Variants in SIM1 observed in about 807,000 individuals in gnomAD.
SIM1 encodes the protein single-minded homolog 1.
Under a neutral mutation model 78.2 loss-of-function variants are expected in SIM1, and 18 were observed. That is an observed-to-expected ratio of 0.23 (90% CI 0.16 to 0.34). SIM1 has a LOEUF of 0.34. Among genes scored for constraint, SIM1 ranks in the 10% least tolerant of loss-of-function variants. The pLI is 1.00. For missense variants in SIM1, 939 were observed against 975.1 expected, an observed-to-expected ratio of 0.96 and a Z score of 0.49; for synonymous variants, 417 against 385.2, an observed-to-expected ratio of 1.08 and a Z score of -0.97.
Position 100,464,690 on chromosome 6 carries a change from C to G in SIM1, c.-544G>C, listed in dbSNP as rs1772945205. 6.6e-6 allele frequency: 1 copy of G among 152,246 alleles called. No individual in the cohort carries two copies. Among genetic ancestry groups the G allele is most frequent in the Non-Finnish European group, 1.5e-5 (1 of 68,132 alleles). 9.4% of individuals were successfully genotyped at this position (152,246 alleles called of 1,614,324 possible). On this transcript the variant is annotated 5_prime_UTR_variant, in exon 1 of 12. Coordinates refer to ENST00000369208, the MANE Select transcript of SIM1 (RefSeq NM_005068.3). Reference sequence around the variant, plus strand: ...TTCTCATGCCTACCGTCCAACCCAGCGACACCGCCGGCCTCTCCGCTTCCC... The same window carrying G: ...TTCTCATGCCTACCGTCCAACCCAGGGACACCGCCGGCCTCTCCGCTTCCC...
chr6:100,417,984 T>A (rs1229564646), intron 10 of SIM1, among the ~76,000 whole-genome samples: 2 of 152,186 alleles, frequency 1.3e-5, no homozygotes, highest in Non-Finnish European at 2.9e-5. Context: ...CAATAACAAA[T>A]ACACAAACTT....
chr6:100,407,428 A>T (rs1661716365), intron 10 of SIM1, among the ~76,000 whole-genome samples: 1 of 152,176 alleles, frequency 6.6e-6, no homozygotes, highest in South Asian at 2.1e-4. Context: ...GAGAGTGCAG[A>T]CATCTCAACA....
At chr6:100,445,159 A>C (rs1431413182) in intron 9 of SIM1, among the ~76,000 whole-genome samples, 2 of 152,188 alleles carry the variant, frequency 1.3e-5, no homozygotes, top group African/African-American at 2.4e-5. Flanking sequence ...TATGCACATC[A>C]AACAAACTGC....
chr6:100,448,394 C>T (rs764985586), intron 7 of SIM1, 85 bp downstream of exon 7: 47 of 1,463,054 alleles, frequency 3.2e-5, no homozygotes, highest in Non-Finnish European at 4.2e-5. Context: ...GCAAAATGGG[C>T]TCATAGGATA....
chr6:100,458,511 A>G (rs965103110), intron 2 of SIM1, among the ~76,000 whole-genome samples: 8 of 152,314 alleles, frequency 5.3e-5, no homozygotes, highest in African/African-American at 1.7e-4. Flanking sequence ...AGTGGCCGGG[A>G]GGGCAGGAGG....
chr6:100,455,320 C>T (rs1012557504), intron 2 of SIM1, among the ~76,000 whole-genome samples: 13 of 152,190 alleles, frequency 8.5e-5, no homozygotes, highest in African/African-American at 2.9e-4. Flanking sequence ...CAACTCATCC[C>T]GACTCTTTAG....
intron 2 of SIM1, among the ~76,000 whole-genome samples, chr6:100,454,342 G>T (rs1251017456): frequency 6.6e-6 from 1 of 152,180 alleles, no homozygotes. Context: ...TGGCTGCGGG[G>T]CTTCTAGCCA....
intron 10 of SIM1, among the ~76,000 whole-genome samples, chr6:100,408,369 T>C (rs1180754437): frequency 6.6e-6 from 1 of 152,086 alleles, no homozygotes; most frequent in African/African-American, 2.4e-5. Context: ...ATAATATTGT[T>C]TGAAGCCTGG....
intron 2 of SIM1, among the ~76,000 whole-genome samples, chr6:100,457,343 C>G (rs1327251973): frequency 3.9e-5 from 6 of 152,178 alleles, no homozygotes; most frequent in African/African-American, 1.4e-4. Flanking sequence ...GGGAGGGTGG[C>G]GGAGGCCCTG....
At chr6:100,450,175 G>T in intron 4 of SIM1, 92 bp downstream of exon 4, 1 of 999,344 alleles carries the variant, frequency 1.0e-6, no homozygotes. Context: ...CAGGTTTAGA[G>T]AAGCACACCC....
At chr6:100,410,871 C>T (rs1411366603) in intron 10 of SIM1, among the ~76,000 whole-genome samples, 4 of 152,166 alleles carry the variant, frequency 2.6e-5, no homozygotes, top group Non-Finnish European at 5.9e-5. Flanking sequence ...TGGAACCAGA[C>T]AAAGACAGTG....
chr6:100,461,259 T>C (rs552673470), intron 2 of SIM1, among the ~76,000 whole-genome samples: 54 of 152,358 alleles, frequency 3.5e-4, no homozygotes, highest in African/African-American at 1.2e-3. Flanking sequence ...ACTTATAATG[T>C]GTAGAGTTAG....
intron 2 of SIM1, 118 bp from the exon 3 acceptor site, chr6:100,453,962 G>T: frequency 1.8e-5 from 11 of 623,838 alleles, no homozygotes; most frequent in Non-Finnish European, 2.7e-5. Context: ...TACCATAGGG[G>T]ATCCCTCTCA....
In SIM1 at chr6:100,390,649, C is replaced by T. The variant is rs201911731; in HGVS notation, c.2013G>A (p.Leu671=). The T allele has an allele frequency of 5.0e-6, 8 of 1,614,142 alleles. No individual in the cohort carries two copies. In the East Asian group the frequency reaches 1.8e-4, roughly 36 times the overall value. ...AATGCAGATAGTCTTTAGCTAGGATCAAACTGGATTTTGAAATGCGATCCG... is the reference window on the plus strand; with the variant it reads ...AATGCAGATAGTCTTTAGCTAGGATTAAACTGGATTTTGAAATGCGATCCG... The part of the protein sequence containing the change: ...PNSDRISKSS[L]ILAKDYLHSD... Residue 671 remains leucine, a synonymous_variant, in exon 12 of 12, where the codon TTG becomes TTA. Coordinates refer to ENST00000369208, the MANE Select transcript of SIM1 (RefSeq NM_005068.3).
intron 9 of SIM1, among the ~76,000 whole-genome samples, chr6:100,436,742 A>AT (rs58593533): frequency 0.016 from 2,094 of 134,154 alleles, 26 homozygotes; most frequent in African/African-American, 0.025. Context: ...TGTTTTTGGT[A>AT]TTTTTTTTTT....
intron 2 of SIM1, among the ~76,000 whole-genome samples, chr6:100,459,634 G>A (rs960987970): frequency 6.6e-6 from 1 of 152,212 alleles, no homozygotes; most frequent in African/African-American, 2.4e-5. Context: ...ATCTGTGGAA[G>A]TTTGTTTAAT....
intron 10 of SIM1, chr6:100,396,105 A>T: frequency 1.7e-5 from 17 of 983,890 alleles, no homozygotes; most frequent in Non-Finnish European, 2.1e-5. Context: ...GTGAACCCAG[A>T]CTCTCTTTTC....
At position 100,385,667 on chromosome 6, in the gene SIM1, TTATGTGTGTGTGTGTG is replaced by T. The variant is rs952821590; in HGVS notation, c.*4678_*4693del. The T allele has an allele frequency of 3.1e-5, 2 of 64,650 alleles. No homozygotes were observed. Among genetic ancestry groups the T allele is most frequent in the Non-Finnish European group, 6.2e-5 (2 of 32,020 alleles). 4.0% of individuals were successfully genotyped at this position (64,650 alleles called of 1,614,324 possible). On this transcript the variant is annotated 3_prime_UTR_variant, in exon 12 of 12. Transcript: ENST00000369208. ...CTTATGTGAACCATCATTTATTTAT[TTATGTGTGTGTGTGTG>T]TGTGTGTGTGTGTGTGTGTGTGTGT...
intron 10 of SIM1, chr6:100,396,071 G>A (rs138647391): frequency 4.2e-5 from 41 of 983,798 alleles, no homozygotes; most frequent in Non-Finnish European, 4.8e-5. Flanking sequence ...CATGCCTTCC[G>A]CATGCCATCA....
Sources: allele counts gnomAD v4.1 joint callset (sites outside exome capture counted in the v4.1 genomes callset), GRCh38; gene constraint gnomAD v4.1.1; transcripts MANE v1.5; gene names NCBI Gene and HGNC (gene_info 2026-07-23, HGNC 2026-07-21).